Variants in HTR7 observed in about 807,000 individuals in gnomAD.
HTR7 encodes 5-hydroxytryptamine receptor 7.
Under a neutral mutation model 34.0 loss-of-function variants are expected in HTR7, and 16 were observed. That is an observed-to-expected ratio of 0.47 (90% CI 0.32 to 0.71). The LOEUF is 0.71. HTR7 is among the 30% of genes least tolerant of loss of function. The pLI is 0.04. For synonymous variants in HTR7, 265 were observed against 260.2 expected, an observed-to-expected ratio of 1.02 and a Z score of -0.18; for missense variants, 504 against 625.5, an observed-to-expected ratio of 0.81 and a Z score of 2.07.
intron 1 of HTR7, among the ~76,000 whole-genome samples, chr10:90,843,963 A>T (rs1846370194): frequency 1.3e-5 from 2 of 152,254 alleles, no homozygotes; most frequent in South Asian, 4.1e-4. Flanking sequence ...GCTTTATTGG[A>T]ACACAGCCAC....
intron 1 of HTR7, among the ~76,000 whole-genome samples, chr10:90,783,472 C>T (rs1397473092): frequency 1.3e-5 from 2 of 152,170 alleles, no homozygotes; most frequent in Admixed American, 1.3e-4. Flanking sequence ...CCAATGGAAG[C>T]TAATAGCTTC....
intron 1 of HTR7, among the ~76,000 whole-genome samples, chr10:90,837,903 T>C (rs1331999840): frequency 1.3e-5 from 2 of 152,242 alleles, no homozygotes; most frequent in Non-Finnish European, 2.9e-5. Flanking sequence ...GTCACCAATT[T>C]GATTATATTC....
At chr10:90,826,276 G>A (rs561836269) in intron 1 of HTR7, among the ~76,000 whole-genome samples, 1 of 152,250 alleles carries the variant, frequency 6.6e-6, no homozygotes, top group South Asian at 2.1e-4. Flanking sequence ...ACATGAAGGA[G>A]AAATAAAGAC....
At chr10:90,809,301 CCT>C (rs1338196153) in intron 1 of HTR7, among the ~76,000 whole-genome samples, 1 of 152,326 alleles carries the variant, frequency 6.6e-6, no homozygotes, top group African/African-American at 2.4e-5. Context: ...GGTTAATGCT[CCT>C]TTTTCTTTAT....
rs534629588 is a variant in HTR7 at position 90,812,913 on chromosome 10, T to C, written c.539+44220A>G. Reference sequence around the variant, plus strand: ...TGAAGAATCACAAAAGAAGTGAATATGCCCTGCCCCGCCTTAACTGATGAC... The same window carrying C: ...TGAAGAATCACAAAAGAAGTGAATACGCCCTGCCCCGCCTTAACTGATGAC... On this transcript the variant is annotated intron_variant, in intron 1 of 3. Transcript: ENST00000336152. 3.3e-5 allele frequency among the ~76,000 whole-genome samples: 5 copies of C among 152,304 alleles called. No individual in the cohort carries two copies. In the East Asian group the frequency reaches 9.6e-4, roughly 29 times the overall value.
chr10:90,789,033 C>T (rs1012771593), intron 1 of HTR7, among the ~76,000 whole-genome samples: 1 of 152,212 alleles, frequency 6.6e-6, no homozygotes, highest in Non-Finnish European at 1.5e-5. Flanking sequence ...TGATCCATAA[C>T]ACTATGATGC....
chr10:90,788,064 C>T (rs1845407564), intron 1 of HTR7, among the ~76,000 whole-genome samples: 2 of 151,966 alleles, frequency 1.3e-5, no homozygotes, highest in South Asian at 2.1e-4. Context: ...TACCCTGAGC[C>T]GGAGCTGCAA....
intron 1 of HTR7, among the ~76,000 whole-genome samples, chr10:90,822,962 G>A (rs1846009690): frequency 6.6e-6 from 1 of 152,224 alleles, no homozygotes; most frequent in South Asian, 2.1e-4. Flanking sequence ...AAGAGATGAG[G>A]CTTGGGAGCC....
intron 1 of HTR7, among the ~76,000 whole-genome samples, chr10:90,757,038 A>AG (rs1284362638): frequency 1.3e-5 from 2 of 152,264 alleles, no homozygotes; most frequent in Non-Finnish European, 2.9e-5. Context: ...CCTCAGAAAA[A>AG]GGGGGCGGGG....
At chr10:90,832,724 C>A (rs565684812) in intron 1 of HTR7, among the ~76,000 whole-genome samples, 4 of 152,266 alleles carry the variant, frequency 2.6e-5, no homozygotes, top group Non-Finnish European at 5.9e-5. Context: ...GAGCTGCCAG[C>A]ACGCTGTCAC....
At position 90,741,655 on chromosome 10, in the gene HTR7, T is replaced by C. The variant is rs1455358092; in HGVS notation, c.*827A>G. ...TGGGCCAGCCCATGGGTGGGCCCAC[T>C]GCAGCCTTGTAGAAAATGAGAGTCA... On this transcript the variant is annotated 3_prime_UTR_variant, in exon 4 of 4. Transcript: ENST00000336152. 1 of 152,578 alleles carries C rather than the reference T, an allele frequency of 6.6e-6. No individual in the cohort carries two copies. The highest frequency in any genetic ancestry group is 1.9e-4 in the East Asian group (1 of 5,188). The allele number at this position is 152,578 out of a possible 1,614,324, so 9.5% of individuals were successfully genotyped here.
At chr10:90,827,483 C>T (rs1846096343) in intron 1 of HTR7, among the ~76,000 whole-genome samples, 2 of 152,006 alleles carry the variant, frequency 1.3e-5, no homozygotes, top group Non-Finnish European at 1.5e-5. Context: ...TAAAAACACA[C>T]TAACATACTT....
chr10:90,854,373 A>C (rs981511402), intron 1 of HTR7, among the ~76,000 whole-genome samples: 8 of 146,662 alleles, frequency 5.5e-5, no homozygotes, highest in Non-Finnish European at 1.2e-4. Context: ...CACTCCCCCC[A>C]AAAAAACAAC....
intron 1 of HTR7, among the ~76,000 whole-genome samples, chr10:90,843,681 G>A (rs10748554): frequency 3.7e-4 from 20 of 54,744 alleles, no homozygotes; most frequent in Admixed American, 1.8e-3. Context: ...GGAAAGGTGG[G>A]AGAAAAGAAA....
rs373905314 is a variant in HTR7 at position 90,776,296 on chromosome 10, A to G, written c.540-26702T>C. ...AAGGTCTGGCTAATTTCCATATCCA[A>G]TATCACTCAGGTCTGTTGGATGGAC... On this transcript the variant is annotated intron_variant, in intron 1 of 3. Transcript: ENST00000336152. Among the ~76,000 whole-genome samples, 5 of 152,332 alleles carry G rather than the reference A, an allele frequency of 3.3e-5. No homozygotes were observed. The East Asian group carries it at 5.8e-4, about 18-fold the overall frequency.
At position 90,752,172 on chromosome 10, in the gene HTR7, C is replaced by G. The variant is rs566479030; in HGVS notation, c.540-2578G>C. ...TTCCACCTGGTGAGACATCATAAGG[C>G]TAAAATCAACTGAAATATTACTAGA... is the stretch of plus-strand genomic sequence containing the variant. On this transcript the variant is annotated intron_variant, in intron 1 of 3. Transcript: ENST00000336152. Among the ~76,000 whole-genome samples the G allele has an allele frequency of 2.2e-3, 331 of 152,032 alleles. 1 individual carries two copies. The highest frequency in any genetic ancestry group is 0.014 in the Middle Eastern group (4 of 294).
chr10:90,758,280 G>T (rs1844869343), intron 1 of HTR7, among the ~76,000 whole-genome samples: 2 of 144,494 alleles, frequency 1.4e-5, no homozygotes, highest in South Asian at 4.3e-4. Context: ...AGGAGGCGGA[G>T]GTTGCAGTGA....
At chr10:90,798,158 TA>T (rs1019632446) in intron 1 of HTR7, among the ~76,000 whole-genome samples, 1 of 152,110 alleles carries the variant, frequency 6.6e-6, no homozygotes, top group Non-Finnish European at 1.5e-5. Context: ...TAAAGAAGGC[TA>T]AAAAAATGGG....
intron 2 of HTR7, among the ~76,000 whole-genome samples, chr10:90,746,245 CA>C (rs745553883): frequency 2.6e-5 from 4 of 152,192 alleles, no homozygotes; most frequent in Non-Finnish European, 5.9e-5. Flanking sequence ...AGTGAATCCT[CA>C]GCAAACGCAT....
Sources: gnomAD v4.1 joint callset for allele counts (sites outside exome capture counted in the v4.1 genomes callset) on GRCh38, gnomAD v4.1.1 for gene constraint, MANE v1.5 for transcripts, NCBI Gene and HGNC (gene_info 2026-07-23, HGNC 2026-07-21) for gene names.